GLI1: variants seen among roughly 807,000 people sequenced by gnomAD.
GLI1 encodes transcription activator GLI1.
Under a neutral mutation model 87.8 loss-of-function variants are expected in GLI1, and 51 were observed. That is an observed-to-expected ratio of 0.58 (90% confidence interval 0.46 to 0.73). GLI1 has a LOEUF of 0.73. GLI1 is among the 30% of genes least tolerant of loss of function. The pLI, the probability that GLI1 is intolerant of heterozygous loss-of-function variation, is 0.00. For synonymous variants in GLI1, 528 were observed against 558.2 expected (o/e 0.95, Z 0.76); for missense variants, 1,292 against 1,437.2 (o/e 0.90, Z 1.63).
chr12:57,459,785 G>A lies in GLI1; in HGVS notation c.-444G>A, dbSNP rs563257939. Among the ~76,000 whole-genome samples, 1 of 134,916 alleles carries A rather than the reference G, an allele frequency of 7.4e-6. No individual in the cohort carries two copies. Among genetic ancestry groups the A allele is most frequent in the Non-Finnish European group, 1.6e-5 (1 of 62,322 alleles). 88.5% of individuals were successfully genotyped at this position (134,916 alleles called of 152,430 possible). A position where few individuals can be genotyped will look rare whatever the true frequency, so the allele number is the denominator to read the frequency against. On this transcript the variant is annotated 5_prime_UTR_variant, in exon 1 of 12. Coordinates refer to ENST00000228682, the MANE Select transcript of GLI1 (RefSeq NM_005269.3). Reference sequence around the variant, plus strand: ...GTTCAGCCGGGGCGGGGGGGGGGGCGTAAGCAGTATAGGGTCCCTCAAGGG... The same window carrying A: ...GTTCAGCCGGGGCGGGGGGGGGGGCATAAGCAGTATAGGGTCCCTCAAGGG...
chr12:57,461,896 C>T (rs1451357155), intron 1 of GLI1, among the ~76,000 whole-genome samples: 2 of 152,202 alleles, frequency 1.3e-5, no homozygotes, highest in Non-Finnish European at 2.9e-5. Flanking sequence ...AACCCTAGAG[C>T]TCCCTGTCCC....
At chr12:57,461,251 G>T (rs939255506) in intron 1 of GLI1, among the ~76,000 whole-genome samples, 1 of 152,182 alleles carries the variant, frequency 6.6e-6, no homozygotes, top group Non-Finnish European at 1.5e-5. Context: ...AGAGGGAGAA[G>T]GCGGGCGGTT....
Position 57,471,390 on chromosome 12 carries a change from G to A in GLI1, c.2650G>A (p.Asp884Asn). The change falls in exon 12 of 12, where the codon GAT becomes AAT. Residue 884 changes from aspartate (D) to asparagine (N), a missense_variant. Around this residue, in one of 3 missense-constraint regions of GLI1, gnomAD observed 897 missense variants for 1,040.7 expected, o/e 0.86. Transcript: ENST00000228682. This position sits in a 1 kb window ranked among gnomAD's most constrained non-coding sequence, Gnocchi z 4.9. ...AGAACCCAGGCCTTGCCTGGACTTT[G>A]ATTCCCCCACCCATTCCACAGGGCA... ...PSEPRPCLDF[D>N]SPTHSTGQLK... 1 of 1,611,664 alleles carries A rather than the reference G, an allele frequency of 6.2e-7. No homozygotes were observed. The highest frequency in any genetic ancestry group is 8.5e-7 in the Non-Finnish European group (1 of 1,179,086).
At chr12:57,461,512 C>T (rs1005090301) in intron 1 of GLI1, among the ~76,000 whole-genome samples, 1 of 152,216 alleles carries the variant, frequency 6.6e-6, no homozygotes, top group East Asian at 1.9e-4. Flanking sequence ...TGCTTTCTCT[C>T]CCCTATACTT....
intron 1 of GLI1, chr12:57,460,456 C>CTCTCCCATATATTAGAAATA (rs1871062322): frequency 6.6e-6 from 1 of 152,404 alleles, no homozygotes; most frequent in African/African-American, 2.4e-5. Flanking sequence ...TTGTCTCCGC[C>CTCTCCCATATATTAGAAATA]TCTCCCATAT....
chr12:57,462,889 A>C (rs1324276389), intron 1 of GLI1, among the ~76,000 whole-genome samples: 1 of 152,170 alleles, frequency 6.6e-6, no homozygotes, highest in Non-Finnish European at 1.5e-5. Context: ...GGGGAGGGGC[A>C]CGAGAAGGAA....
chr12:57,470,937 G>A lies in GLI1; in HGVS notation c.2197G>A (p.Gly733Arg). ...CCCACCTACTGATACTCTGGGATAT[G>A]GGGGACCTGAAGGGGCAGCAGCTGA... ...DFPPTDTLGY[G>R]GPEGAAAEPY... The change falls in exon 12 of 12, where the codon GGG becomes AGG. Residue 733 changes from glycine to arginine, a missense_variant. Gly to Arg is a moderately radical substitution (Grantham distance 125). Around this residue, in one of 3 missense-constraint regions of GLI1, gnomAD observed 897 missense variants for 1,040.7 expected, o/e 0.86. Coordinates refer to ENST00000228682, the MANE Select transcript of GLI1 (RefSeq NM_005269.3). 2 of 1,613,984 alleles carry A rather than the reference G, an allele frequency of 1.2e-6. No individual in the cohort carries two copies. Among genetic ancestry groups the A allele is most frequent in the African/African-American group, 2.7e-5 (2 of 75,032 alleles).
At position 57,465,791 on chromosome 12, in the gene GLI1, C is replaced by T. The variant is rs1871438092; in HGVS notation, c.628C>T (p.Pro210Ser). ...SSPNSTGIQDPLLGMLDGRED... is the reference protein window; with the variant it reads ...SSPNSTGIQDSLLGMLDGRED... ...GAGATTGCCTCTCTTGCCCTAGGAT[C>T]CCCTGTTGGGGATGCTGGATGGGCG... Residue 210 changes from proline (P) to serine (S), a missense_variant, in exon 7 of 12, where the codon CCC becomes TCC. Pro to Ser is a moderately conservative substitution (Grantham distance 74). This residue lies in a region of GLI1 where 383 missense variants were observed against 368.4 expected (regional missense o/e 1.04). Coordinates refer to ENST00000228682, the MANE Select transcript of GLI1 (RefSeq NM_005269.3). 1 of 1,614,096 alleles carries T rather than the reference C, an allele frequency of 6.2e-7. No individual in the cohort carries two copies. The highest frequency in any genetic ancestry group is 8.5e-7 in the Non-Finnish European group (1 of 1,179,942).
chr12:57,470,996 T>C lies in GLI1; in HGVS notation c.2256T>C (p.Pro752=). ...PYGARGPGSL[P]LGPGPPTNYG... ...GAGCGAGGGGTCCAGGCTCTCTGCC[T>C]CTTGGGCCTGGTCCACCCACCAACT... Residue 752 remains proline, a synonymous_variant, in exon 12 of 12, where the codon CCT becomes CCC. Transcript: ENST00000228682. 6.2e-7 allele frequency: 1 copy of C among 1,611,730 alleles called. No individual in the cohort carries two copies. Among genetic ancestry groups the C allele is most frequent in the East Asian group, 2.2e-5 (1 of 44,868 alleles).
chr12:57,468,250 C>T (rs559927601), intron 10 of GLI1, 26 bp downstream of exon 10: 1 of 1,482,978 alleles, frequency 6.7e-7, no homozygotes, highest in Non-Finnish European at 9.4e-7. Flanking sequence ...CAACCCTCAC[C>T]TCCATACCCC....
At chr12:57,466,767 G>T (rs1233554955) in intron 8 of GLI1, among the ~76,000 whole-genome samples, 3 of 152,082 alleles carry the variant, frequency 2.0e-5, no homozygotes, top group Non-Finnish European at 4.4e-5. Flanking sequence ...AGCTGGGCGT[G>T]GTGATGGGCG....
chr12:57,461,713 T>C (rs1291756609), intron 1 of GLI1, among the ~76,000 whole-genome samples: 1 of 150,746 alleles, frequency 6.6e-6, no homozygotes, highest in South Asian at 2.1e-4. Context: ...CGGAGCCGTC[T>C]GCAGCCAGTG....
chr12:57,466,293 G>T lies in GLI1; in HGVS notation c.816G>T (p.Trp272Cys), dbSNP rs547877619. The change falls in exon 8 of 12, where the codon TGG (tryptophan) becomes TGT (cysteine). Residue 272 changes from tryptophan to cysteine, a missense_variant. Physicochemically the swap from Trp to Cys is radical, Grantham distance 215. This residue lies in a region of GLI1 where 383 missense variants were observed against 368.4 expected (regional missense o/e 1.04). Coordinates refer to ENST00000228682, the MANE Select transcript of GLI1 (RefSeq NM_005269.3). ...AGCGGAAGGAGTTCGTGTGCCACTG[G>T]GGGGGCTGCTCCAGGGAGCTGAGGC... ...HGERKEFVCHWGGCSRELRPF... is the reference protein window; with the variant it reads ...HGERKEFVCHCGGCSRELRPF... The T allele has an allele frequency of 3.7e-5, 60 of 1,613,908 alleles. No homozygotes were observed. Among genetic ancestry groups the T allele is most frequent in the Non-Finnish European group, 4.6e-5 (54 of 1,179,974 alleles).
rs1871323829 is a variant in GLI1 at position 57,464,176 on chromosome 12, T to C, written c.193+85T>C. On this transcript the variant is annotated intron_variant, in intron 3 of 11. Coordinates refer to ENST00000228682, the MANE Select transcript of GLI1 (RefSeq NM_005269.3). ...AAAGTGGGAGGGCAGGGGATCTCAC[T>C]TGGAGGAGGAGATGCTTGGAGATGT... is the stretch of plus-strand genomic sequence containing the variant. 4 of 919,682 alleles carry C rather than the reference T, an allele frequency of 4.3e-6. No homozygotes were observed. In the East Asian group the frequency reaches 9.6e-5, roughly 22 times the overall value. 57.0% of individuals were successfully genotyped at this position (919,682 alleles called of 1,614,324 possible).
chr12:57,471,005 T>TG lies in GLI1; in HGVS notation c.2267dup (p.Pro757SerfsTer18). On this transcript the variant is annotated frameshift_variant, in exon 12 of 12. Transcript: ENST00000228682. LOFTEE classifies it high-confidence loss of function. This position sits in a 1 kb window ranked among gnomAD's most constrained non-coding sequence, Gnocchi z 4.9. ...GTCCAGGCTCTCTGCCTCTTGGGCC[T>TG]GGTCCACCCACCAACTATGGCCCCA... 6.2e-7 allele frequency: 1 copy of TG among 1,610,782 alleles called. No individual in the cohort carries two copies. The highest frequency in any genetic ancestry group is 8.5e-7 in the Non-Finnish European group (1 of 1,178,318).
intron 1 of GLI1, 60 bp from the exon 2 acceptor site, chr12:57,463,605 A>G: frequency 3.6e-6 from 3 of 824,964 alleles, no homozygotes; most frequent in Non-Finnish European, 6.3e-6. Flanking sequence ...TCTGTGCCTG[A>G]GACTGCTGTC....
chr12:57,465,491 C>T, intron 5 of GLI1, 116 bp from the exon 6 acceptor site: 2 of 878,346 alleles, frequency 2.3e-6, no homozygotes, highest in Non-Finnish European at 3.6e-6. Flanking sequence ...CCCTTCCAAA[C>T]CCAGGAGGTT....
At chr12:57,468,254 A>G (rs1871629111) in intron 10 of GLI1, 30 bp downstream of exon 10, 1 of 1,456,950 alleles carries the variant, frequency 6.9e-7, no homozygotes, top group Non-Finnish European at 9.6e-7. Flanking sequence ...CCTCACCTCC[A>G]TACCCCAGCC....
At chr12:57,467,614 C>A in intron 9 of GLI1, 117 bp downstream of exon 9, 1 of 852,508 alleles carries the variant, frequency 1.2e-6, no homozygotes, top group Non-Finnish European at 1.8e-6. Flanking sequence ...CCCCTCCCCA[C>A]ATAATTCGCC....
Sources: allele counts gnomAD v4.1 joint callset (sites outside exome capture counted in the v4.1 genomes callset), GRCh38; gene constraint gnomAD v4.1.1; regional missense constraint gnomAD v4.1.1; non-coding constraint Gnocchi (gnomAD v3.1); transcripts MANE v1.5; gene names NCBI Gene and HGNC (gene_info 2026-07-23, HGNC 2026-07-21).